Variants in WDR17 observed in about 807,000 individuals in gnomAD.
The protein encoded by WDR17 is WD repeat domain 17.
WDR17 carries 143 observed loss-of-function variants against 161.7 expected under a neutral mutation model. The observed-to-expected ratio is 0.88, with a 90% CI of 0.77 to 1.02. The LOEUF (loss-of-function observed/expected upper bound fraction) is 1.02. Among genes scored for constraint, WDR17 ranks in the 50% least tolerant of loss-of-function variants. The probability of loss-of-function intolerance (pLI) is 0.00; values close to 1 mark genes in which losing one functional copy is unlikely to be tolerated. For missense variants in WDR17, 1,469 were observed against 1,520.9 expected (o/e 0.97, Z 0.57); for synonymous variants, 517 against 515.6 (o/e 1.00, Z -0.04).
chr4:176,072,390 A>G (rs532204874), intron 1 of WDR17, among the ~76,000 whole-genome samples: 2 of 152,294 alleles, frequency 1.3e-5, no homozygotes, highest in South Asian at 4.1e-4. Context: ...CAAGGTTCTC[A>G]TTTGTTGGAG....
intron 1 of WDR17, among the ~76,000 whole-genome samples, chr4:176,081,462 T>G (rs1218093456): frequency 6.6e-6 from 1 of 152,140 alleles, no homozygotes; most frequent in Non-Finnish European, 1.5e-5. Flanking sequence ...CATAGGCACA[T>G]TTTTCTTTCT....
In WDR17 at chr4:176,131,742, T is replaced by C. The variant is rs973046199; in HGVS notation, c.1098+4T>C. 1.9e-6 allele frequency: 3 copies of C among 1,605,362 alleles called. No individual in the cohort carries two copies. The highest frequency in any genetic ancestry group is 1.7e-6 in the Non-Finnish European group (2 of 1,176,458). ...GTGGGATTTTCTTAGAGACTTGGTA[T>C]GTATGTAGTCATTCCTTTATTATAC... is the stretch of plus-strand genomic sequence containing the variant. On this transcript the variant is annotated splice_donor_region_variant and intron_variant, in intron 7 of 28. Coordinates refer to ENST00000508596, the MANE Select transcript of WDR17 (RefSeq NM_181265.4).
At chr4:176,157,026 A>G (rs1440803295) in intron 18 of WDR17, among the ~76,000 whole-genome samples, 4 of 152,146 alleles carry the variant, frequency 2.6e-5, no homozygotes, top group Non-Finnish European at 4.4e-5. Context: ...TCAACTAATT[A>G]CATCGGCTAA....
intron 1 of WDR17, among the ~76,000 whole-genome samples, chr4:176,094,056 G>A (rs1736474376): frequency 6.6e-6 from 1 of 151,908 alleles, no homozygotes; most frequent in African/African-American, 2.4e-5. Flanking sequence ...CTTGGTGATG[G>A]CATGATGACA....
intron 1 of WDR17, among the ~76,000 whole-genome samples, chr4:176,072,986 G>A (rs1210155474): frequency 6.6e-6 from 1 of 151,754 alleles, no homozygotes; most frequent in African/African-American, 2.4e-5. Flanking sequence ...CTTTATTTTT[G>A]TGCTCCCTCT....
intron 2 of WDR17, 93 bp downstream of exon 2, chr4:176,111,796 T>G (rs1739796623): frequency 8.9e-7 from 1 of 1,117,488 alleles, no homozygotes; most frequent in South Asian, 3.0e-5. Context: ...ATGAAAAACA[T>G]AATGCTATAA....
At chr4:176,102,897 G>T (rs1162234062) in intron 1 of WDR17, among the ~76,000 whole-genome samples, 1 of 152,206 alleles carries the variant, frequency 6.6e-6, no homozygotes, top group Non-Finnish European at 1.5e-5. Context: ...AGACAAGTGA[G>T]CATGTATCCC....
At chr4:176,175,719 G>A (rs1028042349) in intron 26 of WDR17, among the ~76,000 whole-genome samples, 2 of 151,524 alleles carry the variant, frequency 1.3e-5, no homozygotes, top group African/African-American at 2.4e-5. Flanking sequence ...CACCACGCCC[G>A]GCTAATTTTT....
chr4:176,101,714 A>G (rs1263286438), intron 1 of WDR17, among the ~76,000 whole-genome samples: 3 of 152,196 alleles, frequency 2.0e-5, no homozygotes, highest in Admixed American at 6.5e-5. Flanking sequence ...GGGCTTAGAA[A>G]TAGATCCACA....
chr4:176,155,545 GTTTTT>G (rs869207103), intron 17 of WDR17, among the ~76,000 whole-genome samples: 2 of 105,248 alleles, frequency 1.9e-5, no homozygotes, highest in Non-Finnish European at 3.8e-5. Flanking sequence ...ATTTGTTTGT[GTTTTT>G]TTTTTTTTTT....
At chr4:176,155,322 T>C (rs1469698141) in intron 17 of WDR17, among the ~76,000 whole-genome samples, 1 of 151,786 alleles carries the variant, frequency 6.6e-6, no homozygotes, top group African/African-American at 2.4e-5. Context: ...TTTTAAAATA[T>C]TTTAATATGT....
intron 23 of WDR17, among the ~76,000 whole-genome samples, chr4:176,169,309 C>T (rs1408961821): frequency 6.6e-6 from 1 of 152,078 alleles, no homozygotes; most frequent in Non-Finnish European, 1.5e-5. Context: ...ATATTATATA[C>T]AAAAACAACC....
intron 1 of WDR17, among the ~76,000 whole-genome samples, chr4:176,100,654 T>C (rs1737673061): frequency 6.6e-6 from 1 of 152,166 alleles, no homozygotes; most frequent in African/African-American, 2.4e-5. Flanking sequence ...ATACATACCT[T>C]GCCTAGATGA....
intron 22 of WDR17, among the ~76,000 whole-genome samples, chr4:176,167,377 T>A (rs1749929791): frequency 6.6e-6 from 1 of 151,836 alleles, no homozygotes; most frequent in Non-Finnish European, 1.5e-5. Context: ...CCGGGCGCGG[T>A]GGCTCACGCC....
intron 11 of WDR17, 93 bp from the exon 12 acceptor site, chr4:176,145,902 T>A: frequency 8.3e-7 from 1 of 1,208,210 alleles, no homozygotes; most frequent in Non-Finnish European, 1.1e-6. Context: ...AAGCAAAAAT[T>A]CTACTTTTAG....
At chr4:176,146,611 CA>C (rs147136034) in intron 12 of WDR17, among the ~76,000 whole-genome samples, 1,523 of 152,040 alleles carry the variant, frequency 0.01, 20 homozygotes, top group African/African-American at 0.035. Context: ...TGGGTTTGAC[CA>C]AAAAACATGC....
At chr4:176,084,750 G>GATT (rs1201195355) in intron 1 of WDR17, among the ~76,000 whole-genome samples, 1 of 145,500 alleles carries the variant, frequency 6.9e-6, no homozygotes, top group African/African-American at 2.5e-5. Flanking sequence ...TTACTGTCGA[G>GATT]ATTATATATA....
At chr4:176,145,779 A>G (rs1422391992) in intron 11 of WDR17, among the ~76,000 whole-genome samples, 1 of 152,260 alleles carries the variant, frequency 6.6e-6, no homozygotes, top group African/African-American at 2.4e-5. Flanking sequence ...CAACCAGTTA[A>G]AAGAAAACAC....
In WDR17 at chr4:176,179,541, T is replaced by A; in HGVS notation, c.3814T>A (p.Ser1272Thr). 6.2e-7 allele frequency: 1 copy of A among 1,604,798 alleles called. No individual in the cohort carries two copies. Residue 1272 changes from serine (S) to threonine (T), a missense_variant, in exon 29 of 29, where the codon TCA (serine) becomes ACA (threonine). Coordinates refer to ENST00000508596, the MANE Select transcript of WDR17 (RefSeq NM_181265.4). ...ALMWAKVNPFSPLGTGIRLNP... is the reference protein window; with the variant it reads ...ALMWAKVNPFTPLGTGIRLNP... Reference sequence around the variant, plus strand: ...GATGTGGGCAAAGGTGAATCCATTCTCACCTTTAGGGACTGGAATACGACT... The same window carrying A: ...GATGTGGGCAAAGGTGAATCCATTCACACCTTTAGGGACTGGAATACGACT...
Sources: gnomAD v4.1 joint callset for allele counts (sites outside exome capture counted in the v4.1 genomes callset) on GRCh38, gnomAD v4.1.1 for gene constraint, MANE v1.5 for transcripts, NCBI Gene and HGNC (gene_info 2026-07-23, HGNC 2026-07-21) for gene names.